RNF19A: variants seen among roughly 807,000 people sequenced by gnomAD.
The protein encoded by RNF19A is E3 ubiquitin-protein ligase RNF19A.
A neutral mutation model predicts 75.7 loss-of-function variants in RNF19A; 32 were observed. The observed-to-expected ratio is 0.42, with a 90% CI of 0.32 to 0.57. The LOEUF is 0.57. RNF19A is among the 20% of genes least tolerant of loss of function. The pLI is 0.10. For missense variants in RNF19A, 782 were observed against 1,036.3 expected (o/e 0.75, Z 3.37); for synonymous variants, 335 against 345.2 (o/e 0.97, Z 0.33).
Position 100,264,301 on chromosome 8 carries a change from C to G in RNF19A, c.1307-106G>C. The G allele has an allele frequency of 1.0e-6, 1 of 1,000,356 alleles. No homozygotes were observed. The highest frequency in any genetic ancestry group is 1.8e-5 in the South Asian group (1 of 55,210). 62.0% of individuals were successfully genotyped at this position (1,000,356 alleles called of 1,614,324 possible). ...AAGAGAGTCATACAGAGAAAAGCGC[C>G]AGGGTTCTGAAGAGTTGGCTGGAAC... On this transcript the variant is annotated intron_variant, in intron 6 of 9. Transcript: ENST00000341084. This position sits in a 1 kb window ranked among gnomAD's most constrained non-coding sequence, Gnocchi z 4.7.
At chr8:100,293,999 TATG>T (rs752009501) in intron 1 of RNF19A, among the ~76,000 whole-genome samples, 1 of 152,228 alleles carries the variant, frequency 6.6e-6, no homozygotes, top group Admixed American at 6.5e-5. Context: ...GTTCGGTCAT[TATG>T]ATATTTCCCC....
chr8:100,259,146 G>C lies in RNF19A; in HGVS notation c.1927C>G (p.Arg643Gly), dbSNP rs531980694. 4.0e-5 allele frequency: 65 copies of C among 1,614,042 alleles called. No homozygotes were observed. Among genetic ancestry groups the C allele is most frequent in the Admixed American group, 3.8e-4 (23 of 60,012 alleles). Residue 643 changes from arginine to glycine, a missense_variant, in exon 10 of 10, where the codon CGA becomes GGA. Around this residue, in one of 7 missense-constraint regions of RNF19A, gnomAD observed 442 missense variants for 541.6 expected, o/e 0.82. Coordinates refer to ENST00000341084, the MANE Select transcript of RNF19A (RefSeq NM_183419.4). The surrounding 1 kb of genome is among the most constrained non-coding windows in gnomAD (Gnocchi z 4.5). ...SSSVDDGSATRSHAGGSSSGL... is the reference protein window; with the variant it reads ...SSSVDDGSATGSHAGGSSSGL... ...CTGGATGAACCGCCAGCATGACTTCGGGTGGCACTGCCATCATCCACACTA... is the reference window on the plus strand; with the variant it reads ...CTGGATGAACCGCCAGCATGACTTCCGGTGGCACTGCCATCATCCACACTA...
At chr8:100,286,936 G>A (rs1315908025) in intron 2 of RNF19A, among the ~76,000 whole-genome samples, 3 of 151,944 alleles carry the variant, frequency 2.0e-5, no homozygotes, top group Admixed American at 2.0e-4. Flanking sequence ...TTGAGAATAT[G>A]GTATGTGTAA....
chr8:100,258,654 T>C lies in RNF19A; in HGVS notation c.2419A>G (p.Asn807Asp). The C allele has an allele frequency of 6.2e-7, 1 of 1,614,096 alleles. No homozygotes were observed. Reference protein sequence around the residue: ...EEHGNNGIKPNVDLYFGDALK... With the variant: ...EEHGNNGIKPDVDLYFGDALK... ...GCATCGCCAAAATATAAATCAACAT[T>C]AGGTTTTATTCCATTGTTACCATGT... Residue 807 changes from asparagine to aspartate, a missense_variant, in exon 10 of 10, where the codon AAT becomes GAT. Around this residue, in one of 7 missense-constraint regions of RNF19A, gnomAD observed 442 missense variants for 541.6 expected, o/e 0.82. Coordinates refer to ENST00000341084, the MANE Select transcript of RNF19A (RefSeq NM_183419.4). This position sits in a 1 kb window ranked among gnomAD's most constrained non-coding sequence, Gnocchi z 4.3.
chr8:100,272,682 T>C (rs1820314368), intron 3 of RNF19A, among the ~76,000 whole-genome samples: 2 of 152,010 alleles, frequency 1.3e-5, no homozygotes, highest in South Asian at 2.1e-4. Flanking sequence ...CACACACCAC[T>C]AGAGATGCAC....
intron 5 of RNF19A, among the ~76,000 whole-genome samples, chr8:100,267,957 G>C (rs1250839517): frequency 6.6e-6 from 1 of 151,872 alleles, no homozygotes; most frequent in Admixed American, 6.6e-5. Flanking sequence ...AGATTACAGG[G>C]GTGAGGCACC....
chr8:100,287,406 C>T lies in RNF19A; in HGVS notation c.674+95G>A. The T allele has an allele frequency of 2.6e-6, 3 of 1,134,930 alleles. No homozygotes were observed. The highest frequency in any genetic ancestry group is 3.7e-6 in the Non-Finnish European group (3 of 801,362). The allele number at this position is 1,134,930 out of a possible 1,614,324, so 70.3% of individuals were successfully genotyped here. A position where few individuals can be genotyped will look rare whatever the true frequency, so the allele number is the denominator to read the frequency against. On this transcript the variant is annotated intron_variant, in intron 2 of 9. Coordinates refer to ENST00000341084, the MANE Select transcript of RNF19A (RefSeq NM_183419.4). The surrounding 1 kb of genome is among the most constrained non-coding windows in gnomAD (Gnocchi z 4.1). ...TCAACATGTCTGTTGAATGAATTCTCCAGCATGTAAAAATTTTTCTTTTGA... is the reference window on the plus strand; with the variant it reads ...TCAACATGTCTGTTGAATGAATTCTTCAGCATGTAAAAATTTTTCTTTTGA...
intron 2 of RNF19A, among the ~76,000 whole-genome samples, chr8:100,278,789 T>C (rs1820643176): frequency 6.6e-6 from 1 of 152,046 alleles, no homozygotes; most frequent in African/African-American, 2.4e-5. Context: ...AATTAATGAA[T>C]TAAGTTTTAA....
At chr8:100,289,059 CAAAAAAA>C (rs34638933) in intron 1 of RNF19A, among the ~76,000 whole-genome samples, 1 of 92,570 alleles carries the variant, frequency 1.1e-5, no homozygotes, top group African/African-American at 3.7e-5. Context: ...GACTCCATCT[CAAAAAAA>C]AAAAAAAAAA....
intron 1 of RNF19A, among the ~76,000 whole-genome samples, chr8:100,302,792 T>C (rs1821894711): frequency 6.6e-6 from 1 of 152,196 alleles, no homozygotes; most frequent in South Asian, 2.1e-4. Flanking sequence ...TGGTCTATCC[T>C]ACTAGTGTTT....
intron 1 of RNF19A, among the ~76,000 whole-genome samples, chr8:100,298,198 T>TAAAAA (rs35748790): frequency 0.055 from 7,962 of 144,306 alleles, 643 homozygotes; most frequent in African/African-American, 0.18. Context: ...TGTATTGGGT[T>TAAAAA]AAAAAAAAAA....
Position 100,287,898 on chromosome 8 carries a change from T to C in RNF19A, c.277A>G (p.Ser93Gly), listed in dbSNP as rs757061297. ...ATTTCAGAATGTATACTTTCAATAC[T>C]TGCAATTCCATCCACCCCGCCATTT... Reference protein sequence around the residue: ...ELNGGVDGIASIESIHSEMCT... With the variant: ...ELNGGVDGIAGIESIHSEMCT... The change falls in exon 2 of 10, where the codon AGT (serine) becomes GGT (glycine). Residue 93 changes from serine (S) to glycine (G), a missense_variant. By Grantham distance (56) the Ser-to-Gly change is moderately conservative. This residue lies in a region of RNF19A where 148 missense variants were observed against 147.9 expected (regional missense o/e 1.00). Coordinates refer to ENST00000341084, the MANE Select transcript of RNF19A (RefSeq NM_183419.4). The surrounding 1 kb of genome is among the most constrained non-coding windows in gnomAD (Gnocchi z 4.1). The C allele has an allele frequency of 1.3e-5, 21 of 1,614,236 alleles. No individual in the cohort carries two copies. Among genetic ancestry groups the C allele is most frequent in the Non-Finnish European group, 1.8e-5 (21 of 1,180,044 alleles).
At position 100,330,059 on chromosome 8, in the gene RNF19A, G is replaced by T. The variant is rs1057300424; in HGVS notation, c.-243+6049C>A. Among the ~76,000 whole-genome samples, 1 of 152,098 alleles carries T rather than the reference G, an allele frequency of 6.6e-6. No homozygotes were observed. The highest frequency in any genetic ancestry group is 1.9e-4 in the East Asian group (1 of 5,192). ...CTTATAGGAGAGGTGGGGGAAGTTGGATTAGAGGGCTGCCAGGATCCTTCT... is the reference window on the plus strand; with the variant it reads ...CTTATAGGAGAGGTGGGGGAAGTTGTATTAGAGGGCTGCCAGGATCCTTCT... On this transcript the variant is annotated intron_variant, in intron 1 of 3. Coordinates refer to the RNF19A transcript ENST00000519527. This position sits in a 1 kb window ranked among gnomAD's most constrained non-coding sequence, Gnocchi z 4.1.
Position 100,325,205 on chromosome 8 carries a change from G to A in RNF19A, c.-243+10903C>T, listed in dbSNP as rs994127204. ...TTATAGGCATGAGCCACTGCGCCCA[G>A]CTTAAAAGCATCGATTTTTAATAGA... On this transcript the variant is annotated intron_variant, in intron 1 of 3. Transcript: ENST00000519527. This position sits in a 1 kb window ranked among gnomAD's most constrained non-coding sequence, Gnocchi z 4.3. 2.6e-5 allele frequency among the ~76,000 whole-genome samples: 4 copies of A among 152,182 alleles called. No homozygotes were observed. Among genetic ancestry groups the A allele is most frequent in the African/African-American group, 9.7e-5 (4 of 41,438 alleles).
upstream of RNF19A, chr8:100,313,357 A>T (rs113168929): frequency 2.0e-6 from 2 of 980,930 alleles, no homozygotes; most frequent in African/African-American, 1.7e-5. Context: ...AATTCTTCTG[A>T]CATTTGAGCT....
At chr8:100,318,076 C>T (rs779821340) in intron 1 of RNF19A, among the ~76,000 whole-genome samples, 13 of 152,026 alleles carry the variant, frequency 8.6e-5, no homozygotes, top group Non-Finnish European at 1.6e-4. Context: ...TATAATACTT[C>T]GGGCCTACAT....
intron 5 of RNF19A, 175 bp downstream of exon 5, chr8:100,268,610 C>T (rs1279663276): frequency 2.0e-5 from 8 of 404,468 alleles, no homozygotes; most frequent in Non-Finnish European, 3.0e-5. Flanking sequence ...TTTATATATG[C>T]TTGCCAAACA....
chr8:100,272,934 T>C (rs1388039182), intron 3 of RNF19A, among the ~76,000 whole-genome samples: 1 of 151,950 alleles, frequency 6.6e-6, no homozygotes, highest in Non-Finnish European at 1.5e-5. Flanking sequence ...GGCACAATCA[T>C]ATTTCATTGC....
chr8:100,288,286 A>C lies in RNF19A; in HGVS notation c.-93-19T>G. On this transcript the variant is annotated intron_variant, in intron 1 of 9. Transcript: ENST00000341084. ...GGATGTTCTGAAAAATAAAAAATAA[A>C]AAAATCAAGATCATTTAATTGTATT... is the stretch of plus-strand genomic sequence containing the variant. The C allele has an allele frequency of 1.6e-6, 2 of 1,288,944 alleles. No individual in the cohort carries two copies. The highest frequency in any genetic ancestry group is 2.0e-6 in the Non-Finnish European group (2 of 997,752). 79.8% of individuals were successfully genotyped at this position (1,288,944 alleles called of 1,614,324 possible). A position where few individuals can be genotyped will look rare whatever the true frequency, so the allele number is the denominator to read the frequency against.
Sources: allele counts gnomAD v4.1 joint callset (sites outside exome capture counted in the v4.1 genomes callset), GRCh38; gene constraint gnomAD v4.1.1; regional missense constraint gnomAD v4.1.1; non-coding constraint Gnocchi (gnomAD v3.1); transcripts MANE v1.5; gene names NCBI Gene and HGNC (gene_info 2026-07-23, HGNC 2026-07-21).